PHLPP1: variants seen among roughly 807,000 people sequenced by gnomAD.
PHLPP1 encodes the protein PH domain leucine-rich repeat-containing protein phosphatase 1.
Under a neutral mutation model 117.2 loss-of-function variants are expected in PHLPP1, and 42 were observed. That is an observed-to-expected ratio of 0.36 (90% confidence interval 0.28 to 0.46). The LOEUF (loss-of-function observed/expected upper bound fraction) is 0.46, where lower values mean the gene tolerates loss of function less well. Among genes scored for constraint, PHLPP1 ranks in the 20% least tolerant of loss-of-function variants. The probability of loss-of-function intolerance (pLI) is 1.00; values close to 1 mark genes in which losing one functional copy is unlikely to be tolerated. For synonymous variants in PHLPP1, 1,042 were observed against 970.7 expected, an observed-to-expected ratio of 1.07 and a Z score of -1.37; for missense variants, 2,084 against 2,241.9, an observed-to-expected ratio of 0.93 and a Z score of 1.42.
At chr18:62,944,573 AC>A (rs1394125268) in intron 11 of PHLPP1, among the ~76,000 whole-genome samples, 1 of 152,084 alleles carries the variant, frequency 6.6e-6, no homozygotes, top group Non-Finnish European at 1.5e-5. Flanking sequence ...CTTTTAACAC[AC>A]CCCTTGCTCC....
chr18:62,771,867 T>G (rs994126924), intron 1 of PHLPP1, among the ~76,000 whole-genome samples: 7 of 152,256 alleles, frequency 4.6e-5, no homozygotes, highest in Admixed American at 4.6e-4. Flanking sequence ...AATAAGCACT[T>G]CTTCTGCAGT....
intron 4 of PHLPP1, among the ~76,000 whole-genome samples, chr18:62,891,888 C>CAA (rs574107579): frequency 6.7e-4 from 53 of 79,076 alleles, no homozygotes; most frequent in East Asian, 2.5e-3. Context: ...GACCCTTTCT[C>CAA]AAAAAAAAAA....
At chr18:62,761,549 C>T (rs1239557103) in intron 1 of PHLPP1, among the ~76,000 whole-genome samples, 3 of 151,950 alleles carry the variant, frequency 2.0e-5, no homozygotes, top group East Asian at 3.9e-4. Context: ...ATGAGAATGG[C>T]GTGAACCCAG....
chr18:62,950,431 AGCCAGACTTC>A (rs1363794320), intron 12 of PHLPP1, among the ~76,000 whole-genome samples: 2 of 152,254 alleles, frequency 1.3e-5, no homozygotes, highest in Non-Finnish European at 2.9e-5. Context: ...GTCACCATGT[AGCCAGACTTC>A]GCTTGGCTGG....
At chr18:62,867,128 A>G (rs1915789836) in intron 4 of PHLPP1, among the ~76,000 whole-genome samples, 1 of 152,210 alleles carries the variant, frequency 6.6e-6, no homozygotes, top group Admixed American at 6.5e-5. Context: ...GAAGTTTACA[A>G]TAAGAAGTAG....
rs1003393563 is a variant in PHLPP1, at chr18:62,978,180, G to C, written c.3985-82G>C. Reference sequence around the variant, plus strand: ...TCTCTGTGGTCCTACAGTCGAGACAGTCGAGGGACCCGCAGGGAACCTGCA... The same window carrying C: ...TCTCTGTGGTCCTACAGTCGAGACACTCGAGGGACCCGCAGGGAACCTGCA... On this transcript the variant is annotated intron_variant, in intron 16 of 16. Transcript: ENST00000262719. This position sits in a 1 kb window ranked among gnomAD's most constrained non-coding sequence, Gnocchi z 7.0. The C allele has an allele frequency of 6.6e-6, 5 of 757,316 alleles. No homozygotes were observed. Among genetic ancestry groups the C allele is most frequent in the Admixed American group, 4.9e-5 (2 of 40,672 alleles). The allele number at this position is 757,316 out of a possible 1,614,324, so 46.9% of individuals were successfully genotyped here.
At chr18:62,762,415 C>CTT (rs368710387) in intron 1 of PHLPP1, among the ~76,000 whole-genome samples, 59 of 127,832 alleles carry the variant, frequency 4.6e-4, no homozygotes, top group African/African-American at 6.8e-4. Flanking sequence ...ATTTTTTTAT[C>CTT]TTTTTTTTTT....
chr18:62,787,782 C>T (rs749015301), intron 1 of PHLPP1, among the ~76,000 whole-genome samples: 8 of 151,774 alleles, frequency 5.3e-5, no homozygotes, highest in Non-Finnish European at 4.4e-5. Context: ...TTAGCATTAC[C>T]GTGCAGCGGG....
At chr18:62,864,309 A>G (rs1877090804) in intron 4 of PHLPP1, among the ~76,000 whole-genome samples, 1 of 152,236 alleles carries the variant, frequency 6.6e-6, no homozygotes, top group South Asian at 2.1e-4. Flanking sequence ...GACGTGAGCT[A>G]CTGCACCTGG....
rs1288516434 is a variant in PHLPP1 at position 62,919,986 on chromosome 18, A to G, written c.2832A>G (p.Lys944=). The G allele has an allele frequency of 6.2e-7, 1 of 1,605,720 alleles. No individual in the cohort carries two copies. Among genetic ancestry groups the G allele is most frequent in the Non-Finnish European group, 8.5e-7 (1 of 1,175,748 alleles). ...TATTTTGTAATAGCAGTCTCCGGAA[A>G]CTACTGGCAGGACACAACCAGTTGG... ...ARLFCNSSLR[K]LLAGHNQLAR... Residue 944 remains lysine, a synonymous_variant, in exon 10 of 17, where the codon AAA becomes AAG. Transcript: ENST00000262719.
At chr18:62,824,092 A>G (rs1365847271) in intron 1 of PHLPP1, 6 of 442,884 alleles carry the variant, frequency 1.4e-5, no homozygotes, top group Admixed American at 2.5e-5. Flanking sequence ...AGATCATGGC[A>G]TTGCACTCCA....
intron 1 of PHLPP1, among the ~76,000 whole-genome samples, chr18:62,755,384 A>G (rs765101544): frequency 1.3e-5 from 2 of 152,066 alleles, no homozygotes; most frequent in South Asian, 4.2e-4. Flanking sequence ...AAAGAGGGCA[A>G]AGTTTAGATA....
intron 4 of PHLPP1, among the ~76,000 whole-genome samples, chr18:62,882,188 C>T (rs541688002): frequency 1.3e-5 from 2 of 152,034 alleles, no homozygotes; most frequent in African/African-American, 4.8e-5. Flanking sequence ...AAGCACCACA[C>T]GAAAGGAATT....
At chr18:62,820,780 A>G (rs879922264) in intron 1 of PHLPP1, among the ~76,000 whole-genome samples, 2 of 152,258 alleles carry the variant, frequency 1.3e-5, no homozygotes, top group Non-Finnish European at 2.9e-5. Context: ...GAAAACTAAT[A>G]CAAACATTAA....
At chr18:62,891,744 T>A (rs1487281848) in intron 4 of PHLPP1, among the ~76,000 whole-genome samples, 3 of 117,086 alleles carry the variant, frequency 2.6e-5, no homozygotes, top group East Asian at 2.3e-4. Flanking sequence ...AAAAAAAAAA[T>A]TAGCTGGGTT....
chr18:62,852,034 A>G (rs936144552), intron 3 of PHLPP1, among the ~76,000 whole-genome samples: 4 of 150,782 alleles, frequency 2.7e-5, no homozygotes, highest in Non-Finnish European at 4.4e-5. Flanking sequence ...GTGCCACCAC[A>G]CCTGGCCAAT....
At chr18:62,764,405 C>T (rs1020249570) in intron 1 of PHLPP1, among the ~76,000 whole-genome samples, 4 of 152,072 alleles carry the variant, frequency 2.6e-5, no homozygotes, top group Non-Finnish European at 5.9e-5. Context: ...ACACTTATGT[C>T]CTATGGTTCT....
At chr18:62,717,667 AT>A (rs530063875) in intron 1 of PHLPP1, among the ~76,000 whole-genome samples, 22 of 152,280 alleles carry the variant, frequency 1.4e-4, no homozygotes, top group African/African-American at 4.6e-4. Flanking sequence ...AAAATGCTCT[AT>A]CACACTTTTG....
At chr18:62,941,693 A>G (rs544448691) in intron 10 of PHLPP1, 25 bp from the exon 11 acceptor site, 2 of 1,586,602 alleles carry the variant, frequency 1.3e-6, no homozygotes, top group East Asian at 2.2e-5. Context: ...TTTCAATGGC[A>G]TTTTGTTGCG....
Sources: allele counts gnomAD v4.1 joint callset (sites outside exome capture counted in the v4.1 genomes callset), GRCh38; gene constraint gnomAD v4.1.1; non-coding constraint Gnocchi (gnomAD v3.1); transcripts MANE v1.5; gene names NCBI Gene and HGNC (gene_info 2026-07-23, HGNC 2026-07-21).